The following TFDP2 variants were observed in gnomAD, a reference collection of about 807,000 sequenced individuals.
TFDP2 encodes the protein transcription factor Dp-2.
In TFDP2, 17 loss-of-function variants were observed where a neutral mutation model predicts 59.3. The ratio of observed to expected loss-of-function variants is 0.29; its 90% CI spans 0.20 to 0.43. The LOEUF is 0.43. Among genes scored for constraint, TFDP2 ranks in the 20% least tolerant of loss-of-function variants. TFDP2 has a pLI of 1.00. For missense variants in TFDP2, 391 were observed against 528.8 expected (o/e 0.74, Z 2.56); for synonymous variants, 180 against 194.7 (o/e 0.92, Z 0.63).
intron 3 of TFDP2, among the ~76,000 whole-genome samples, chr3:142,017,773 G>A (rs372951330): frequency 6.6e-6 from 1 of 151,680 alleles, no homozygotes; most frequent in South Asian, 2.1e-4. Context: ...GGCTGGTTTC[G>A]AACGCCTGAC....
At chr3:142,083,128 C>CA (rs2060696398) in intron 3 of TFDP2, among the ~76,000 whole-genome samples, 1 of 152,036 alleles carries the variant, frequency 6.6e-6, no homozygotes, top group African/African-American at 2.4e-5. Flanking sequence ...CTAGATTCCA[C>CA]AAAAAAACTA....
intron 3 of TFDP2, among the ~76,000 whole-genome samples, chr3:142,048,122 G>A (rs1243437924): frequency 6.6e-6 from 1 of 152,044 alleles, no homozygotes; most frequent in Non-Finnish European, 1.5e-5. Flanking sequence ...ATAAAGAGGT[G>A]CTCTGAGATT....
rs1157705003 is a variant in TFDP2, at chr3:141,951,145, CAT to C, written c.*1366_*1367del. 1.3e-5 allele frequency: 2 copies of C among 152,160 alleles called. No individual in the cohort carries two copies. The highest frequency in any genetic ancestry group is 2.4e-5 in the African/African-American group (1 of 41,448). The allele number at this position is 152,160 out of a possible 1,614,324, so 9.4% of individuals were successfully genotyped here. ...CTAGCATAATCTTGGGACAAATCCA[CAT>C]GATTCAGGTCAAAGTTTTGGAGTTA... is the stretch of plus-strand genomic sequence containing the variant. On this transcript the variant is annotated 3_prime_UTR_variant, in exon 13 of 13. Coordinates refer to ENST00000489671, the MANE Select transcript of TFDP2 (RefSeq NM_001178139.2).
At chr3:142,071,870 A>G (rs1441007112) in intron 3 of TFDP2, among the ~76,000 whole-genome samples, 2 of 152,238 alleles carry the variant, frequency 1.3e-5, no homozygotes, top group Non-Finnish European at 2.9e-5. Flanking sequence ...TCTGAGGTGC[A>G]TTAAAGTTAT....
chr3:142,129,756 A>C (rs544740948), intron 1 of TFDP2, among the ~76,000 whole-genome samples: 1 of 151,082 alleles, frequency 6.6e-6, no homozygotes, highest in Non-Finnish European at 1.5e-5. Context: ...TGGACAACAT[A>C]GCAAGATCCC....
chr3:141,974,481 G>C (rs1489722743), intron 7 of TFDP2, among the ~76,000 whole-genome samples: 3 of 152,080 alleles, frequency 2.0e-5, no homozygotes, highest in Non-Finnish European at 4.4e-5. Flanking sequence ...GATTTCTTCA[G>C]GTAGAAGAAA....
At chr3:142,080,962 A>C (rs1416087146) in intron 3 of TFDP2, among the ~76,000 whole-genome samples, 1 of 152,244 alleles carries the variant, frequency 6.6e-6, no homozygotes, top group Non-Finnish European at 1.5e-5. Context: ...CACTAGACTT[A>C]ATTTTCGCTA....
At chr3:141,996,753 A>G (rs1042530065) in intron 4 of TFDP2, among the ~76,000 whole-genome samples, 1 of 152,272 alleles carries the variant, frequency 6.6e-6, no homozygotes, top group African/African-American at 2.4e-5. Flanking sequence ...TTTACCAAGT[A>G]TTTAAGACCT....
intron 3 of TFDP2, among the ~76,000 whole-genome samples, chr3:142,075,043 T>G (rs947465462): frequency 1.3e-5 from 2 of 152,104 alleles, no homozygotes; most frequent in Non-Finnish European, 2.9e-5. Context: ...ATTCTCACGT[T>G]ACACCATTAA....
rs866341335 is a variant in TFDP2 at position 142,112,849 on chromosome 3, C to A, written c.-92-11008G>T. Among the ~76,000 whole-genome samples, 5 of 152,102 alleles carry A rather than the reference C, an allele frequency of 3.3e-5. No individual in the cohort carries two copies. The South Asian group carries it at 1.0e-3, about 32-fold the overall frequency. On this transcript the variant is annotated intron_variant, in intron 1 of 12. Coordinates refer to ENST00000489671, the MANE Select transcript of TFDP2 (RefSeq NM_001178139.2). ...ACTGGATTGACATGTTCTACAATAA[C>A]ACCTAAAGGCTACTTTCATTTCAAA...
chr3:142,097,855 G>A (rs1156821507), intron 2 of TFDP2, among the ~76,000 whole-genome samples: 3 of 150,156 alleles, frequency 2.0e-5, no homozygotes, highest in Non-Finnish European at 4.5e-5. Context: ...GCACGATCTC[G>A]GCTCACTGCA....
chr3:142,008,693 A>C (rs1176858668), intron 3 of TFDP2, among the ~76,000 whole-genome samples: 1 of 152,158 alleles, frequency 6.6e-6, no homozygotes. Flanking sequence ...ATATACATAC[A>C]TATACGTATG....
chr3:142,039,773 G>A (rs141770755), intron 3 of TFDP2, among the ~76,000 whole-genome samples: 14 of 152,174 alleles, frequency 9.2e-5, no homozygotes, highest in African/African-American at 3.1e-4. Context: ...ACTAGTGAAG[G>A]GGCAAGGATA....
At chr3:142,059,633 G>A (rs1245661074) in intron 3 of TFDP2, among the ~76,000 whole-genome samples, 1 of 151,816 alleles carries the variant, frequency 6.6e-6, no homozygotes, top group East Asian at 1.9e-4. Flanking sequence ...AGGGTGGAGT[G>A]CAATGGTGTA....
intron 3 of TFDP2, among the ~76,000 whole-genome samples, chr3:142,016,550 C>A (rs1945149941): frequency 6.6e-6 from 1 of 152,190 alleles, no homozygotes; most frequent in African/African-American, 2.4e-5. Context: ...ATCCATGTGC[C>A]TTGGCATCCC....
At chr3:142,073,716 A>G (rs1433821857) in intron 3 of TFDP2, among the ~76,000 whole-genome samples, 1 of 152,106 alleles carries the variant, frequency 6.6e-6, no homozygotes, top group East Asian at 1.9e-4. Flanking sequence ...CTTGCAAACA[A>G]TTCACTTTTG....
intron 3 of TFDP2, chr3:142,044,141 T>C: frequency 1.7e-6 from 1 of 585,358 alleles, no homozygotes; most frequent in Non-Finnish European, 3.1e-6. Flanking sequence ...CAGACCTTCT[T>C]CTTGCCACAG....
chr3:141,957,299 A>G (rs964335955), intron 11 of TFDP2, among the ~76,000 whole-genome samples: 3 of 152,230 alleles, frequency 2.0e-5, no homozygotes, highest in African/African-American at 7.2e-5. Flanking sequence ...CTTGGGCGAC[A>G]GAGTGAGACT....
intron 1 of TFDP2, among the ~76,000 whole-genome samples, chr3:142,123,230 G>T (rs1269054599): frequency 6.6e-6 from 1 of 152,184 alleles, no homozygotes; most frequent in East Asian, 1.9e-4. Context: ...CACCTCCTGG[G>T]TTCAAGTGAT....
Sources: allele counts gnomAD v4.1 joint callset (sites outside exome capture counted in the v4.1 genomes callset), GRCh38; gene constraint gnomAD v4.1.1; transcripts MANE v1.5; gene names NCBI Gene and HGNC (gene_info 2026-07-23, HGNC 2026-07-21).